NDUFAF7: variants seen among roughly 807,000 people sequenced by gnomAD.
The protein encoded by NDUFAF7 is protein arginine methyltransferase NDUFAF7, mitochondrial.
In NDUFAF7, 48 loss-of-function variants were observed where a neutral mutation model predicts 47.2. The observed-to-expected ratio is 1.02, with a 90% confidence interval of 0.81 to 1.29. The LOEUF (loss-of-function observed/expected upper bound fraction) is 1.29, where lower values mean the gene tolerates loss of function less well. Among genes scored for constraint, NDUFAF7 ranks in the 50% most tolerant of loss-of-function variants. The pLI is 0.00. For synonymous variants in NDUFAF7, 217 were observed against 190.0 expected (o/e 1.14, Z -1.17); for missense variants, 635 against 537.6 (o/e 1.18, Z -1.79).
At chr2:37,267,362 AG>A in the NDUFAF7 span, 17 of 1,063,816 alleles carry the variant, frequency 1.6e-5, no homozygotes, top group South Asian at 6.3e-5. Flanking sequence ...AAAAAAAAAA[AG>A]AGAAGCAGTT....
chr2:37,254,354 G>C, downstream of NDUFAF7: 1 of 1,254,514 alleles, frequency 8.0e-7, no homozygotes, highest in South Asian at 1.2e-5. Context: ...ACTTGTGACT[G>C]CCTAGAAGGC....
downstream of NDUFAF7, among the ~76,000 whole-genome samples, chr2:37,258,153 G>A (rs1668126080): frequency 3.3e-5 from 5 of 152,060 alleles, no homozygotes; most frequent in Admixed American, 2.6e-4. Context: ...AAATTGAGAG[G>A]AAAAAGATTT....
chr2:37,247,901 T>C (rs918950861), intron 9 of NDUFAF7, among the ~76,000 whole-genome samples: 2 of 152,232 alleles, frequency 1.3e-5, no homozygotes, highest in African/African-American at 4.8e-5. Flanking sequence ...TGAGAACACC[T>C]AAACCTTACT....
downstream of NDUFAF7, chr2:37,254,082 A>C: frequency 1.4e-6 from 1 of 710,024 alleles, no homozygotes. Context: ...CCATAGTACA[A>C]ATTAATCACT....
At chr2:37,253,121 C>T (rs1667646279), downstream of NDUFAF7, 2 of 1,493,456 alleles carry the variant, frequency 1.3e-6, no homozygotes, top group African/African-American at 2.8e-5. Flanking sequence ...ACAAGTTACA[C>T]AGCAAAATAT....
downstream of NDUFAF7, among the ~76,000 whole-genome samples, chr2:37,255,802 T>C (rs1042028008): frequency 7.2e-5 from 11 of 152,178 alleles, no homozygotes; most frequent in African/African-American, 2.4e-4. Flanking sequence ...GTGCAAGAGT[T>C]TGACACCAGC....
downstream of NDUFAF7, chr2:37,254,171 G>C (rs748062333): frequency 2.0e-6 from 3 of 1,491,020 alleles, no homozygotes; most frequent in Non-Finnish European, 1.9e-6. Context: ...ACTCAAATGA[G>C]GATTGCCAAA....
At chr2:37,249,596 CACACACAGAG>C (rs1273010218), downstream of NDUFAF7, among the ~76,000 whole-genome samples, 94 of 103,630 alleles carry the variant, frequency 9.1e-4, no homozygotes, top group Non-Finnish European at 1.3e-3. Flanking sequence ...CACACACACA[CACACACAGAG>C]GGGAGATCGC....
At chr2:37,233,887 C>T (rs570015028) in intron 2 of NDUFAF7, among the ~76,000 whole-genome samples, 1 of 152,108 alleles carries the variant, frequency 6.6e-6, no homozygotes, top group African/African-American at 2.4e-5. Context: ...CACTAACTTT[C>T]AACTGAAATT....
chr2:37,253,171 CAGTGAT>C (rs755225629), downstream of NDUFAF7: 35 of 1,592,672 alleles, frequency 2.2e-5, 1 homozygote, highest in South Asian at 2.8e-4. Flanking sequence ...TAGGTTAGCT[CAGTGAT>C]TAAGGATCTT....
At chr2:37,239,118 CTTT>C (rs368415833) in intron 4 of NDUFAF7, among the ~76,000 whole-genome samples, 4 of 133,072 alleles carry the variant, frequency 3.0e-5, no homozygotes, top group Admixed American at 7.7e-5. Context: ...TTTTCTTTCT[CTTT>C]TTTTTTTTTT....
intron 1 of NDUFAF7, 51 bp from the exon 2 acceptor site, chr2:37,232,055 C>G: frequency 1.2e-6 from 2 of 1,613,654 alleles, no homozygotes; most frequent in Non-Finnish European, 1.7e-6. Flanking sequence ...GGCTTGCGCT[C>G]GTGAATGGTC....
intron 8 of NDUFAF7, 66 bp downstream of exon 8, chr2:37,246,261 C>G (rs1258753096): frequency 1.3e-6 from 2 of 1,554,082 alleles, no homozygotes; most frequent in African/African-American, 2.7e-5. Flanking sequence ...CATTGAAGAG[C>G]TTTGATTTCT....
chr2:37,238,750 G>GT (rs1666052217), intron 4 of NDUFAF7, among the ~76,000 whole-genome samples: 1 of 152,096 alleles, frequency 6.6e-6, no homozygotes, highest in African/African-American at 2.4e-5. Flanking sequence ...AGTGGGAGAA[G>GT]TTATTTGTAA....
rs1180486509 is a variant in NDUFAF7, at chr2:37,242,729, A to G, written c.681+36A>G. The G allele has an allele frequency of 4.8e-6, 7 of 1,452,260 alleles. No homozygotes were observed. In the Admixed American group the frequency reaches 1.2e-4, roughly 24 times the overall value. The allele number at this position is 1,452,260 out of a possible 1,614,324, so 90.0% of individuals were successfully genotyped here. On this transcript the variant is annotated intron_variant, in intron 6 of 9. Coordinates refer to ENST00000002125, the MANE Select transcript of NDUFAF7 (RefSeq NM_144736.5). ...GGGAAAAAAGTCATGTCTATAATTG[A>G]ATACAAAAGGCATTGTGTTGCCAAT... is the stretch of plus-strand genomic sequence containing the variant.
chr2:37,261,891 T>G, the NDUFAF7 span, among the ~76,000 whole-genome samples: 1 of 152,226 alleles, frequency 6.6e-6, no homozygotes, highest in Non-Finnish European at 1.5e-5. Context: ...AAAACGTATT[T>G]TGAATACCTG....
At chr2:37,257,087 C>A (rs182431514), downstream of NDUFAF7, among the ~76,000 whole-genome samples, 721 of 152,224 alleles carry the variant, frequency 4.7e-3, 3 homozygotes, top group Non-Finnish European at 8.6e-3. Flanking sequence ...ATATCCTTTT[C>A]TCAAAAGGCA....
chr2:37,249,584 C>T (rs1407131650), downstream of NDUFAF7, among the ~76,000 whole-genome samples: 1 of 140,012 alleles, frequency 7.1e-6, no homozygotes, highest in South Asian at 2.3e-4. Context: ...CACACACACA[C>T]ACACACACAC....
chr2:37,253,381 CAAAA>C (rs1249247765), downstream of NDUFAF7: 2 of 1,549,662 alleles, frequency 1.3e-6, no homozygotes, highest in African/African-American at 1.4e-5. Flanking sequence ...AATGATGAAA[CAAAA>C]GAAACAAAAT....
Sources: allele counts gnomAD v4.1 joint callset (sites outside exome capture counted in the v4.1 genomes callset), GRCh38; gene constraint gnomAD v4.1.1; transcripts MANE v1.5; gene names NCBI Gene and HGNC (gene_info 2026-07-23, HGNC 2026-07-21).